Variants in GALNT10 observed in about 807,000 individuals in gnomAD.
The protein encoded by GALNT10 is polypeptide N-acetylgalactosaminyltransferase 10.
Under a neutral mutation model 75.0 loss-of-function variants are expected in GALNT10, and 41 were observed. The observed-to-expected ratio is 0.55, with a 90% CI of 0.43 to 0.71. The LOEUF (loss-of-function observed/expected upper bound fraction) is 0.71, where lower values mean the gene tolerates loss of function less well. Ranked by LOEUF, GALNT10 falls within the 30% of genes least tolerant of loss-of-function variation. The pLI, the probability that GALNT10 is intolerant of heterozygous loss-of-function variation, is 0.00. For missense variants in GALNT10, 727 were observed against 818.5 expected, an observed-to-expected ratio of 0.89 and a Z score of 1.36; for synonymous variants, 302 against 313.0, an observed-to-expected ratio of 0.96 and a Z score of 0.37.
intron 10 of GALNT10, 111 bp from the exon 11 acceptor site, chr5:154,415,667 TTAATA>T: frequency 9.8e-7 from 1 of 1,022,262 alleles, no homozygotes. Context: ...TTAGAACAGG[TTAATA>T]TATTATTATT....
chr5:154,353,222 T>C (rs1755237026), intron 4 of GALNT10, among the ~76,000 whole-genome samples: 1 of 152,142 alleles, frequency 6.6e-6, no homozygotes. Flanking sequence ...GTGAATTCTG[T>C]TTATGTTTTG....
At chr5:154,391,616 A>G (rs1475702562) in intron 7 of GALNT10, among the ~76,000 whole-genome samples, 4 of 152,140 alleles carry the variant, frequency 2.6e-5, no homozygotes, top group Non-Finnish European at 5.9e-5. Flanking sequence ...TTTTCCTCTT[A>G]TCCCATTGCA....
At position 154,352,370 on chromosome 5, in the gene GALNT10, C is replaced by G. The variant is rs1379354431; in HGVS notation, c.568+22632C>G. Reference sequence around the variant, plus strand: ...TTCACCTGTTTAATTTGGGTTTCCACCTGGGGATCCTGGCCCTAGATAAAG... The same window carrying G: ...TTCACCTGTTTAATTTGGGTTTCCAGCTGGGGATCCTGGCCCTAGATAAAG... On this transcript the variant is annotated intron_variant, in intron 4 of 11. Coordinates refer to ENST00000297107, the MANE Select transcript of GALNT10 (RefSeq NM_198321.4). The surrounding 1 kb of genome is among the most constrained non-coding windows in gnomAD (Gnocchi z 4.4). Among the ~76,000 whole-genome samples the G allele has an allele frequency of 6.6e-6, 1 of 152,236 alleles. No homozygotes were observed. Among genetic ancestry groups the G allele is most frequent in the Non-Finnish European group, 1.5e-5 (1 of 68,038 alleles).
intron 1 of GALNT10, among the ~76,000 whole-genome samples, chr5:154,283,464 AT>A (rs1177830542): frequency 9.2e-5 from 14 of 152,108 alleles, no homozygotes; most frequent in African/African-American, 2.9e-4. Flanking sequence ...CTTAAAAAAA[AT>A]AAATAAATAA....
At chr5:154,249,121 A>G (rs1435693054) in intron 1 of GALNT10, among the ~76,000 whole-genome samples, 1 of 152,234 alleles carries the variant, frequency 6.6e-6, no homozygotes, top group Non-Finnish European at 1.5e-5. Flanking sequence ...AGTCACTTTA[A>G]GTTCCTGGGC....
chr5:154,280,749 T>G (rs899363383), intron 1 of GALNT10, among the ~76,000 whole-genome samples: 1 of 152,192 alleles, frequency 6.6e-6, no homozygotes, highest in Non-Finnish European at 1.5e-5. Flanking sequence ...TCTACAAATT[T>G]TATAGTTTTG....
intron 1 of GALNT10, among the ~76,000 whole-genome samples, chr5:154,277,571 A>C (rs1246291231): frequency 2.6e-5 from 4 of 151,970 alleles, no homozygotes; most frequent in Non-Finnish European, 1.5e-5. Flanking sequence ...ATCTTCCTAA[A>C]CTCTAGAATG....
At chr5:154,222,924 T>G (rs1753006145) in intron 1 of GALNT10, among the ~76,000 whole-genome samples, 1 of 152,232 alleles carries the variant, frequency 6.6e-6, no homozygotes, top group African/African-American at 2.4e-5. Context: ...GGTATCAGTA[T>G]CATCTGGCAA....
In GALNT10 at chr5:154,245,825, T is replaced by C. The variant is rs1420223357; in HGVS notation, c.160-48991T>C. On this transcript the variant is annotated intron_variant, in intron 1 of 11. Coordinates refer to ENST00000297107, the MANE Select transcript of GALNT10 (RefSeq NM_198321.4). ...CTTAAGCGCTTTTTTTTTTTTTTTT[T>C]ACTTTAAGTTTTAGGGTACATGTGC... Among the ~76,000 whole-genome samples, 34 of 126,948 alleles carry C rather than the reference T, an allele frequency of 2.7e-4. 1 individual carries two copies. In the East Asian group the frequency reaches 4.8e-3, roughly 18 times the overall value. 83.3% of individuals were successfully genotyped at this position (126,948 alleles called of 152,430 possible).
At chr5:154,215,807 C>G (rs560326425) in intron 1 of GALNT10, among the ~76,000 whole-genome samples, 1 of 152,330 alleles carries the variant, frequency 6.6e-6, no homozygotes, top group East Asian at 1.9e-4. Context: ...CTGGTGTTCT[C>G]TGTAGCAGAA....
At chr5:154,379,974 G>C (rs1277257495) in intron 5 of GALNT10, among the ~76,000 whole-genome samples, 1 of 152,218 alleles carries the variant, frequency 6.6e-6, no homozygotes, top group Non-Finnish European at 1.5e-5. Flanking sequence ...TGCTATGAAG[G>C]AAAGTGCTGG....
chr5:154,284,830 A>G (rs984420142), intron 1 of GALNT10, among the ~76,000 whole-genome samples: 8 of 152,186 alleles, frequency 5.3e-5, no homozygotes, highest in African/African-American at 1.9e-4. Flanking sequence ...GATTACACTC[A>G]TGTGGTGGTT....
intron 2 of GALNT10, among the ~76,000 whole-genome samples, chr5:154,295,580 A>C (rs1754260807): frequency 6.6e-6 from 1 of 152,214 alleles, no homozygotes; most frequent in Non-Finnish European, 1.5e-5. Context: ...TCTTGGGAGC[A>C]GTTCCGTTTA....
At chr5:154,191,529 C>T (rs1377101470) in intron 1 of GALNT10, among the ~76,000 whole-genome samples, 1 of 151,404 alleles carries the variant, frequency 6.6e-6, no homozygotes, top group Non-Finnish European at 1.5e-5. Flanking sequence ...ACGAGACACC[C>T]GGGCCTTCCT....
At chr5:154,321,403 G>A (rs1754671376) in intron 3 of GALNT10, among the ~76,000 whole-genome samples, 1 of 151,876 alleles carries the variant, frequency 6.6e-6, no homozygotes, top group African/African-American at 2.4e-5. Flanking sequence ...TGCCTCCCAG[G>A]CTCAAATGAT....
intron 3 of GALNT10, among the ~76,000 whole-genome samples, chr5:154,328,503 A>C (rs1754791702): frequency 6.6e-6 from 1 of 152,242 alleles, no homozygotes; most frequent in Non-Finnish European, 1.5e-5. Context: ...TGCAACACAG[A>C]ATACTTCTGT....
At chr5:154,241,070 C>T (rs2113668126) in intron 1 of GALNT10, among the ~76,000 whole-genome samples, 1 of 152,318 alleles carries the variant, frequency 6.6e-6, no homozygotes, top group Admixed American at 6.5e-5. Flanking sequence ...TTTGGAGCCC[C>T]ACGGTGTTCT....
At chr5:154,322,311 C>T (rs761025315) in intron 3 of GALNT10, among the ~76,000 whole-genome samples, 3 of 152,162 alleles carry the variant, frequency 2.0e-5, no homozygotes, top group Admixed American at 2.0e-4. Context: ...CCTGGGCTCA[C>T]GACCCTTTTC....
intron 4 of GALNT10, among the ~76,000 whole-genome samples, chr5:154,355,247 T>A (rs942576279): frequency 1.3e-5 from 2 of 151,978 alleles, no homozygotes; most frequent in South Asian, 4.2e-4. Flanking sequence ...TTCCTGCTCC[T>A]CCCCCCTCAC....
Sources: allele counts gnomAD v4.1 joint callset (sites outside exome capture counted in the v4.1 genomes callset), GRCh38; gene constraint gnomAD v4.1.1; non-coding constraint Gnocchi (gnomAD v3.1); transcripts MANE v1.5; gene names NCBI Gene and HGNC (gene_info 2026-07-23, HGNC 2026-07-21).